The following LINGO2 variants were observed in gnomAD, a reference collection of about 807,000 sequenced individuals.
LINGO2 encodes leucine rich repeat and Ig domain containing 2.
A neutral mutation model predicts 30.6 loss-of-function variants in LINGO2; 14 were observed. The ratio of observed to expected loss-of-function variants is 0.46; its 90% confidence interval spans 0.30 to 0.72. The LOEUF (loss-of-function observed/expected upper bound fraction) is 0.72, where lower values mean the gene tolerates loss of function less well. Ranked by LOEUF, LINGO2 falls within the 30% of genes least tolerant of loss-of-function variation. The probability of loss-of-function intolerance (pLI) is 0.07; values close to 1 mark genes in which losing one functional copy is unlikely to be tolerated. For missense variants in LINGO2, 729 were observed against 751.7 expected (o/e 0.97, Z 0.35); for synonymous variants, 317 against 288.5 (o/e 1.10, Z -1.00).
the LINGO2 span, among the ~76,000 whole-genome samples, chr9:29,006,801 G>A: frequency 6.6e-6 from 1 of 151,988 alleles, no homozygotes; most frequent in Non-Finnish European, 1.5e-5. Context: ...CATAGGAAAG[G>A]CTAAGTGAAC....
chr9:28,856,045 G>T, the LINGO2 span, among the ~76,000 whole-genome samples: 2 of 151,930 alleles, frequency 1.3e-5, no homozygotes, highest in African/African-American at 4.8e-5. Context: ...CTAGACCAAG[G>T]GTTGTGAAGC....
the LINGO2 span, among the ~76,000 whole-genome samples, chr9:28,778,458 A>G: frequency 1.3e-5 from 2 of 152,146 alleles, no homozygotes; most frequent in Non-Finnish European, 2.9e-5. Flanking sequence ...CCACCTTACT[A>G]CTACAAATGC....
the LINGO2 span, among the ~76,000 whole-genome samples, chr9:29,185,003 G>A: frequency 2.0e-5 from 3 of 152,200 alleles, no homozygotes; most frequent in Middle Eastern, 3.4e-3. Flanking sequence ...TGTTGTTGTT[G>A]TTTTCATAAG....
At chr9:28,501,165 A>G (rs1819867080) in intron 1 of LINGO2, among the ~76,000 whole-genome samples, 1 of 152,192 alleles carries the variant, frequency 6.6e-6, no homozygotes, top group African/African-American at 2.4e-5. Context: ...AAATTTTATC[A>G]GTATATTTAT....
At chr9:28,093,173 T>G (rs1826146709) in intron 4 of LINGO2, among the ~76,000 whole-genome samples, 1 of 152,098 alleles carries the variant, frequency 6.6e-6, no homozygotes, top group Non-Finnish European at 1.5e-5. Context: ...CTTAGACTAG[T>G]TCTAAGGCTC....
chr9:28,844,303 A>G, the LINGO2 span, among the ~76,000 whole-genome samples: 1 of 151,810 alleles, frequency 6.6e-6, no homozygotes, highest in African/African-American at 2.4e-5. Context: ...TGGAGGTTGC[A>G]GTGAGCCAAG....
rs146190621 is a variant in LINGO2 at position 28,660,501 on chromosome 9, T to C, written c.-365+9699A>G. Among the ~76,000 whole-genome samples, 529 of 152,238 alleles carry C rather than the reference T, an allele frequency of 3.5e-3. 5 individuals are homozygous for C. Among genetic ancestry groups the C allele is most frequent in the African/African-American group, 0.012 (512 of 41,564 alleles). ...CAGAGAAGCAGTATGGTTCCATTAA[T>C]GTACATTTCAAAAATTTATAATTTA... On this transcript the variant is annotated intron_variant, in intron 1 of 5. Transcript: ENST00000379992.
chr9:28,211,978 G>T (rs1220375019), intron 4 of LINGO2, among the ~76,000 whole-genome samples: 1 of 150,108 alleles, frequency 6.7e-6, no homozygotes, highest in East Asian at 1.9e-4. Context: ...AGTTACTTTT[G>T]CACCAACCTA....
chr9:29,105,325 G>A, the LINGO2 span, among the ~76,000 whole-genome samples: 1 of 152,144 alleles, frequency 6.6e-6, no homozygotes, highest in Non-Finnish European at 1.5e-5. Context: ...ACCAAGCACA[G>A]CAACTCATTG....
chr9:28,303,571 G>A (rs1319462850), intron 3 of LINGO2, among the ~76,000 whole-genome samples: 2 of 152,094 alleles, frequency 1.3e-5, no homozygotes, highest in African/African-American at 4.8e-5. Context: ...ACTCTTGACT[G>A]GAAGCCTTAC....
the LINGO2 span, among the ~76,000 whole-genome samples, chr9:29,186,819 T>A: frequency 1.3e-5 from 2 of 152,060 alleles, no homozygotes; most frequent in Non-Finnish European, 2.9e-5. Flanking sequence ...TAACAATGCC[T>A]ACCGAATATA....
At chr9:28,760,945 T>TACACACACATAC in the LINGO2 span, among the ~76,000 whole-genome samples, 1 of 136,162 alleles carries the variant, frequency 7.3e-6, no homozygotes, top group Admixed American at 7.5e-5. Context: ...TATATATATA[T>TACACACACATAC]ACACACACAC....
intron 4 of LINGO2, chr9:28,080,492 T>C (rs1268400834): frequency 1.3e-5 from 2 of 152,258 alleles, no homozygotes; most frequent in Non-Finnish European, 2.9e-5. Context: ...TTTCTTCTTG[T>C]CATTTGCATC....
At chr9:28,488,786 A>G (rs1196487264) in intron 1 of LINGO2, among the ~76,000 whole-genome samples, 4 of 152,166 alleles carry the variant, frequency 2.6e-5, no homozygotes, top group Non-Finnish European at 5.9e-5. Context: ...ATCTTTCCAC[A>G]TGATGGTCCT....
intron 4 of LINGO2, among the ~76,000 whole-genome samples, chr9:28,199,488 G>A (rs1002151179): frequency 1.3e-5 from 2 of 151,884 alleles, no homozygotes; most frequent in Non-Finnish European, 2.9e-5. Context: ...ACAGGCGCCC[G>A]CCACCACGCT....
chr9:29,010,201 A>G, the LINGO2 span, among the ~76,000 whole-genome samples: 1 of 152,210 alleles, frequency 6.6e-6, no homozygotes, highest in Non-Finnish European at 1.5e-5. Flanking sequence ...TAAACTAAAG[A>G]GCTTCTGCAC....
intron 1 of LINGO2, among the ~76,000 whole-genome samples, chr9:28,542,716 T>C (rs1433216348): frequency 6.6e-6 from 1 of 152,076 alleles, no homozygotes; most frequent in East Asian, 1.9e-4. Context: ...TTTAAGGAAC[T>C]TGTAGAAAAT....
chr9:28,122,589 A>G (rs966778369), intron 4 of LINGO2, among the ~76,000 whole-genome samples: 1 of 152,188 alleles, frequency 6.6e-6, no homozygotes, highest in African/African-American at 2.4e-5. Context: ...ACCATGTTAC[A>G]GAAGAGTCGC....
chr9:28,939,359 A>G, the LINGO2 span, among the ~76,000 whole-genome samples: 1 of 152,062 alleles, frequency 6.6e-6, no homozygotes, highest in Admixed American at 6.6e-5. Flanking sequence ...TAAAGCCTTT[A>G]TTTTCCAGAC....
Sources: gnomAD v4.1 joint callset for allele counts (sites outside exome capture counted in the v4.1 genomes callset) on GRCh38, gnomAD v4.1.1 for gene constraint, MANE v1.5 for transcripts, NCBI Gene and HGNC (gene_info 2026-07-23, HGNC 2026-07-21) for gene names.